The following TP53BP1 variants were observed in gnomAD, a reference collection of about 807,000 sequenced individuals.
TP53BP1 encodes the protein tumor protein p53 binding protein 1.
Under a neutral mutation model 200.8 loss-of-function variants are expected in TP53BP1, and 61 were observed. The ratio of observed to expected loss-of-function variants is 0.30; its 90% CI spans 0.25 to 0.38. TP53BP1 has a LOEUF of 0.38. Among genes scored for constraint, TP53BP1 ranks in the 10% least tolerant of loss-of-function variants. TP53BP1 has a pLI of 1.00. For missense variants in TP53BP1, 2,144 were observed against 2,371.9 expected, an observed-to-expected ratio of 0.90 and a Z score of 2.00; for synonymous variants, 822 against 844.3, an observed-to-expected ratio of 0.97 and a Z score of 0.46.
chr15:43,492,496 C>A, intron 1 of TP53BP1, 28 bp from the exon 2 acceptor site: 1 of 1,592,342 alleles, frequency 6.3e-7, no homozygotes, highest in South Asian at 1.1e-5. Flanking sequence ...AAGATCAGTT[C>A]CGTGTAACCT....
In TP53BP1 at chr15:43,441,508, G is replaced by C; in HGVS notation, c.3098+18C>G. On this transcript the variant is annotated intron_variant, in intron 15 of 27. Transcript: ENST00000382044. Reference sequence around the variant, plus strand: ...GTAGCTGTGTATTAAACTCTAAATAGCATCCAGCTTTGGTTACCTGGCAAC... The same window carrying C: ...GTAGCTGTGTATTAAACTCTAAATACCATCCAGCTTTGGTTACCTGGCAAC... 1 of 1,582,240 alleles carries C rather than the reference G, an allele frequency of 6.3e-7. No homozygotes were observed. Among genetic ancestry groups the C allele is most frequent in the Non-Finnish European group, 8.7e-7 (1 of 1,151,306 alleles).
At chr15:43,490,509 C>T (rs1378835449) in intron 4 of TP53BP1, among the ~76,000 whole-genome samples, 1 of 152,094 alleles carries the variant, frequency 6.6e-6, no homozygotes, top group East Asian at 1.9e-4. Flanking sequence ...CAGGTGTGAG[C>T]CACTGCGCCC....
rs1230231005 is a variant in TP53BP1, at chr15:43,403,545, G to T, written c.*3838C>A. 8 of 641,578 alleles carry T rather than the reference G, an allele frequency of 1.2e-5. No homozygotes were observed. The African/African-American group carries it at 1.3e-4, about 10-fold the overall frequency. 39.7% of individuals were successfully genotyped at this position (641,578 alleles called of 1,614,324 possible). On this transcript the variant is annotated 3_prime_UTR_variant, in exon 28 of 28. Coordinates refer to ENST00000382044, the MANE Select transcript of TP53BP1 (RefSeq NM_001141980.3). ...TCTGAGGGGCTGGCAGGCCTTGCAC[G>T]TGGCAGTGTCTATCCTGTCAGATTT...
intron 8 of TP53BP1, 64 bp downstream of exon 8, chr15:43,477,529 T>C: frequency 6.9e-7 from 1 of 1,443,932 alleles, no homozygotes. Context: ...ACCAGTAGCC[T>C]CAGAACTAAA....
rs1226387214 is a variant in TP53BP1, at chr15:43,405,303, T to G, written c.*2080A>C. On this transcript the variant is annotated 3_prime_UTR_variant, in exon 28 of 28. Coordinates refer to ENST00000382044, the MANE Select transcript of TP53BP1 (RefSeq NM_001141980.3). ...ACATCCCATTCTAGCCACACACAAA[T>G]AAATATCTGCGGCTTAGTGATAGGA... is the stretch of plus-strand genomic sequence containing the variant. The G allele has an allele frequency of 6.8e-7, 1 of 1,472,114 alleles. No homozygotes were observed. The highest frequency in any genetic ancestry group is 9.5e-7 in the Non-Finnish European group (1 of 1,053,360). The allele number at this position is 1,472,114 out of a possible 1,614,324, so 91.2% of individuals were successfully genotyped here.
In TP53BP1 at chr15:43,457,154, A is replaced by C. The variant is rs144512868; in HGVS notation, c.1454T>G (p.Met485Arg). The part of the protein sequence containing the change: ...QSNDGKKDGD[M>R]HSSSLTVECS... ...CTCAACTGTCAAAGATGAACTATGC[A>C]TATCTCCATCTTTCTTCCCATCATT... The change falls in exon 12 of 28, where the codon ATG becomes AGG. Residue 485 changes from methionine (M) to arginine (R), a missense_variant. This residue lies in a region of TP53BP1 where 1,700 missense variants were observed against 1,710.3 expected (regional missense o/e 0.99). Coordinates refer to ENST00000382044, the MANE Select transcript of TP53BP1 (RefSeq NM_001141980.3). 3 of 1,613,038 alleles carry C rather than the reference A, an allele frequency of 1.9e-6. No homozygotes were observed. Among genetic ancestry groups the C allele is most frequent in the African/African-American group, 1.3e-5 (1 of 74,908 alleles).
chr15:43,507,503 C>T (rs1348773440), intron 1 of TP53BP1, among the ~76,000 whole-genome samples: 1 of 152,222 alleles, frequency 6.6e-6, no homozygotes, highest in Non-Finnish European at 1.5e-5. Context: ...ACTGGTAACA[C>T]CCTTGGAAGG....
chr15:43,485,625 T>G (rs2079037139), intron 4 of TP53BP1, among the ~76,000 whole-genome samples: 1 of 136,028 alleles, frequency 7.4e-6, no homozygotes, highest in Non-Finnish European at 1.6e-5. Context: ...GGCAGATCAC[T>G]TGAGGTCAGG....
rs2079135617 is a variant in TP53BP1 at position 43,492,274 on chromosome 15, T to C, written c.192+10A>G. On this transcript the variant is annotated intron_variant, in intron 2 of 27. Coordinates refer to ENST00000382044, the MANE Select transcript of TP53BP1 (RefSeq NM_001141980.3). ...TCTGCTCAATCTTCTTCAAACAAGGTATCACTCACCAACACAGGATTTTCT... is the reference window on the plus strand; with the variant it reads ...TCTGCTCAATCTTCTTCAAACAAGGCATCACTCACCAACACAGGATTTTCT... 1.2e-6 allele frequency: 2 copies of C among 1,609,532 alleles called. No homozygotes were observed. The highest frequency in any genetic ancestry group is 1.7e-6 in the Non-Finnish European group (2 of 1,178,316).
chr15:43,464,848 C>T (rs2046530754), intron 11 of TP53BP1, among the ~76,000 whole-genome samples: 1 of 152,044 alleles, frequency 6.6e-6, no homozygotes, highest in Non-Finnish European at 1.5e-5. Flanking sequence ...GCGAAGGTTG[C>T]AGTGAGCCAA....
chr15:43,499,688 G>A (rs921525394), intron 1 of TP53BP1, among the ~76,000 whole-genome samples: 2 of 152,166 alleles, frequency 1.3e-5, no homozygotes, highest in African/African-American at 4.8e-5. Flanking sequence ...AGAACTGAAA[G>A]TCAGAGCAAG....
chr15:43,422,041 C>T lies in TP53BP1; in HGVS notation c.3914G>A (p.Gly1305Glu), dbSNP rs1404522384. ...CTTGGAGGAGAAGGAGCTGATATCC[C>T]CCAGGTCACCTGAGGAGCCCCCAGT... ...SQTGGSSGDL[G>E]DISSFSSKAS... Residue 1305 changes from glycine (G) to glutamate (E), a missense_variant, in exon 19 of 28, where the codon GGG (glycine) becomes GAG (glutamate). Coordinates refer to ENST00000382044, the MANE Select transcript of TP53BP1 (RefSeq NM_001141980.3). 6.2e-7 allele frequency: 1 copy of T among 1,614,176 alleles called. No individual in the cohort carries two copies. The highest frequency in any genetic ancestry group is 1.7e-5 in the Admixed American group (1 of 60,028).
chr15:43,463,280 T>C (rs1314862318), intron 11 of TP53BP1, among the ~76,000 whole-genome samples: 3 of 152,192 alleles, frequency 2.0e-5, no homozygotes, highest in Non-Finnish European at 4.4e-5. Flanking sequence ...AAAGAGGCTA[T>C]GCAATTGACA....
In TP53BP1 at chr15:43,468,321, G is replaced by A. The variant is rs141367371; in HGVS notation, c.1389+1537C>T. On this transcript the variant is annotated intron_variant, in intron 11 of 27. Coordinates refer to ENST00000382044, the MANE Select transcript of TP53BP1 (RefSeq NM_001141980.3). ...ACACACTGGGAGGCTGAGAGAGGAG[G>A]ATTGCTTGAGCCCAAGAGTTTAAGA... 4.0e-4 allele frequency among the ~76,000 whole-genome samples: 61 copies of A among 152,160 alleles called. No individual in the cohort carries two copies. In the East Asian group the frequency reaches 0.011, roughly 27 times the overall value.
In TP53BP1 at chr15:43,403,771, G is replaced by A; in HGVS notation, c.*3612C>T. The A allele has an allele frequency of 2.5e-6, 4 of 1,613,932 alleles. No homozygotes were observed. Among genetic ancestry groups the A allele is most frequent in the Non-Finnish European group, 3.4e-6 (4 of 1,179,966 alleles). On this transcript the variant is annotated 3_prime_UTR_variant, in exon 28 of 28. Coordinates refer to ENST00000382044, the MANE Select transcript of TP53BP1 (RefSeq NM_001141980.3). ...AACCTAGGCCCACTGGATGAGCGTG[G>A]AGCCGCCCAGCTGAGCATTCTCGTG...
chr15:43,429,891 A>G (rs555751894), intron 17 of TP53BP1, among the ~76,000 whole-genome samples: 145 of 152,270 alleles, frequency 9.5e-4, no homozygotes, highest in African/African-American at 3.4e-3. Context: ...ACTAAAGAGA[A>G]AGTCAGTCTA....
At chr15:43,420,770 G>T in intron 20 of TP53BP1, 35 bp from the exon 21 acceptor site, 1 of 1,567,628 alleles carries the variant, frequency 6.4e-7, no homozygotes, top group South Asian at 1.2e-5. Context: ...AAGCCGGTGA[G>T]AACAAGAACA....
At chr15:43,482,052 C>T (rs1014085999) in intron 4 of TP53BP1, among the ~76,000 whole-genome samples, 6 of 150,700 alleles carry the variant, frequency 4.0e-5, no homozygotes, top group East Asian at 2.0e-4. Flanking sequence ...ATGGTGAAAC[C>T]CCATCTCTAC....
At chr15:43,480,802 C>T in intron 5 of TP53BP1, 93 bp downstream of exon 5, 1 of 1,358,852 alleles carries the variant, frequency 7.4e-7, no homozygotes, top group Non-Finnish European at 1.0e-6. Context: ...GAGAAATCTG[C>T]AACCTAATAA....
Sources: allele counts gnomAD v4.1 joint callset (sites outside exome capture counted in the v4.1 genomes callset), GRCh38; gene constraint gnomAD v4.1.1; regional missense constraint gnomAD v4.1.1; transcripts MANE v1.5; gene names NCBI Gene and HGNC (gene_info 2026-07-23, HGNC 2026-07-21).